Variants in TMEM214 observed in about 807,000 individuals in gnomAD.
TMEM214 encodes transmembrane protein 214.
TMEM214 carries 71 observed loss-of-function variants against 89.8 expected under a neutral mutation model. The ratio of observed to expected loss-of-function variants is 0.79; its 90% CI spans 0.65 to 0.96. The LOEUF (loss-of-function observed/expected upper bound fraction) is 0.96, where lower values mean the gene tolerates loss of function less well. TMEM214 is among the 40% of genes least tolerant of loss of function. The pLI, the probability that TMEM214 is intolerant of heterozygous loss-of-function variation, is 0.00. For missense variants in TMEM214, 754 were observed against 843.4 expected (o/e 0.89, Z 1.31); for synonymous variants, 332 against 349.5 (o/e 0.95, Z 0.56).
rs945396615 is a variant in TMEM214 at position 27,033,063 on chromosome 2, G to T, written c.48G>T (p.Lys16Asn). 8.0e-7 allele frequency: 1 copy of T among 1,247,828 alleles called. No individual in the cohort carries two copies. The highest frequency in any genetic ancestry group is 1.5e-5 in the African/African-American group (1 of 64,572). 77.3% of individuals were successfully genotyped at this position (1,247,828 alleles called of 1,614,324 possible). ...TGGGGCGGTGGGAGGTAGTGAAGAA[G>T]GGTCGGCGGCCTGGGGTCGGCGCCG... Reference protein sequence around the residue: ...AGVGRWEVVKKGRRPGVGAGA... With the variant: ...AGVGRWEVVKNGRRPGVGAGA... The change falls in exon 1 of 17, where the codon AAG becomes AAT. Residue 16 changes from lysine to asparagine, a missense_variant. Physicochemically the swap from Lys to Asn is moderately conservative, Grantham distance 94 (BLOSUM62 0). Transcript: ENST00000238788.
Position 27,036,761 on chromosome 2 carries a change from A to T in TMEM214, c.883A>T (p.Ile295Phe), listed in dbSNP as rs772444168. 2 of 1,614,098 alleles carry T rather than the reference A, an allele frequency of 1.2e-6. No homozygotes were observed. Among genetic ancestry groups the T allele is most frequent in the Non-Finnish European group, 1.7e-6 (2 of 1,180,018 alleles). ...LGIKSLSPFA[I>F]TYLDRLLLMH... ...CATCAAGTCTCTGTCTCCCTTTGCC[A>T]TCACATACCTGGATCGGCTGCTCCT... Residue 295 changes from isoleucine to phenylalanine, a missense_variant, in exon 7 of 17, where the codon ATC becomes TTC. Transcript: ENST00000238788.
rs201998930 is a variant in TMEM214 at position 27,038,827 on chromosome 2, C to T, written c.1407+12C>T. The T allele has an allele frequency of 2.1e-5, 33 of 1,605,294 alleles. No homozygotes were observed. The highest frequency in any genetic ancestry group is 8.4e-5 in the Admixed American group (5 of 59,834). Reference sequence around the variant, plus strand: ...ACATGGCCTGCAAGGTGCTGGCACCCGGTCCTCTCCAGCCCACACGCTATC... The same window carrying T: ...ACATGGCCTGCAAGGTGCTGGCACCTGGTCCTCTCCAGCCCACACGCTATC... On this transcript the variant is annotated intron_variant, in intron 12 of 16. Coordinates refer to ENST00000238788, the MANE Select transcript of TMEM214 (RefSeq NM_017727.5). The surrounding 1 kb of genome is among the most constrained non-coding windows in gnomAD (Gnocchi z 4.4).
chr2:27,039,128 C>G lies in TMEM214; in HGVS notation c.1489C>G (p.Leu497Val), dbSNP rs1344821087. 2 of 1,613,906 alleles carry G rather than the reference C, an allele frequency of 1.2e-6. No individual in the cohort carries two copies. The highest frequency in any genetic ancestry group is 3.3e-5 in the Admixed American group (2 of 60,024). Residue 497 changes from leucine to valine, a missense_variant, in exon 13 of 17, where the codon CTG becomes GTG. Physicochemically the swap from Leu to Val is conservative, Grantham distance 32 (BLOSUM62 1). Coordinates refer to ENST00000238788, the MANE Select transcript of TMEM214 (RefSeq NM_017727.5). ...GCTGCTGGTCTTCGCTGTAGGCTTC[C>G]TGTGCCATGACCTCCGGTCACACAG... is the stretch of plus-strand genomic sequence containing the variant. ...LLLLVFAVGF[L>V]CHDLRSHSSF...
rs1281082956 is a variant in TMEM214 at position 27,039,135 on chromosome 2, A to G, written c.1496A>G (p.His499Arg). Reference sequence around the variant, plus strand: ...GTCTTCGCTGTAGGCTTCCTGTGCCATGACCTCCGGTCACACAGCTCCTTC... The same window carrying G: ...GTCTTCGCTGTAGGCTTCCTGTGCCGTGACCTCCGGTCACACAGCTCCTTC... ...LLVFAVGFLCHDLRSHSSFQA... is the reference protein window; with the variant it reads ...LLVFAVGFLCRDLRSHSSFQA... Residue 499 changes from histidine (H) to arginine (R), a missense_variant, in exon 13 of 17, where the codon CAT (histidine) becomes CGT (arginine). Transcript: ENST00000238788. 28 of 1,613,850 alleles carry G rather than the reference A, an allele frequency of 1.7e-5. No individual in the cohort carries two copies. Among genetic ancestry groups the G allele is most frequent in the Non-Finnish European group, 2.4e-5 (28 of 1,180,024 alleles).
chr2:27,040,610 C>T, intron 16 of TMEM214, 101 bp from the exon 17 acceptor site: 2 of 1,585,380 alleles, frequency 1.3e-6, no homozygotes, highest in Non-Finnish European at 8.6e-7. Flanking sequence ...GCTCCCATTC[C>T]TGGCCACCCT....
At position 27,035,249 on chromosome 2, in the gene TMEM214, C is replaced by G; in HGVS notation, c.466C>G (p.Pro156Ala). Reference protein sequence around the residue: ...ASYLNYKLQAPLSEPTLSQHT... With the variant: ...ASYLNYKLQAALSEPTLSQHT... ...CTATCTCAACTACAAGCTACAAGCT[C>G]CTCTAAGTGAACCCACGCTGAGCCA... Residue 156 changes from proline to alanine, a missense_variant, in exon 3 of 17, where the codon CCT (proline) becomes GCT (alanine). Transcript: ENST00000238788. The G allele has an allele frequency of 6.2e-7, 1 of 1,614,200 alleles. No individual in the cohort carries two copies. Among genetic ancestry groups the G allele is most frequent in the East Asian group, 2.2e-5 (1 of 44,888 alleles).
At chr2:27,033,296 GC>G in intron 1 of TMEM214, 130 bp downstream of exon 1, 1 of 953,460 alleles carries the variant, frequency 1.0e-6, no homozygotes, top group Non-Finnish European at 1.4e-6. Context: ...TCTCTTTGGA[GC>G]CTCACGGGAG....
chr2:27,035,556 C>G, intron 3 of TMEM214, 38 bp from the exon 4 acceptor site: 5 of 1,611,492 alleles, frequency 3.1e-6, no homozygotes, highest in Non-Finnish European at 3.4e-6. Context: ...TGATGGGTGT[C>G]TGGTCCTAGC....
rs1381000052 is a variant in TMEM214 at position 27,036,744 on chromosome 2, C to G, written c.866C>G (p.Ser289Cys). The G allele has an allele frequency of 3.7e-6, 6 of 1,614,042 alleles. No homozygotes were observed. Among genetic ancestry groups the G allele is most frequent in the African/African-American group, 2.7e-5 (2 of 74,914 alleles). Residue 289 changes from serine to cysteine, a missense_variant, in exon 7 of 17, where the codon TCT becomes TGT. Physicochemically the swap from Ser to Cys is moderately radical, Grantham distance 112. Coordinates refer to ENST00000238788, the MANE Select transcript of TMEM214 (RefSeq NM_017727.5). ...ATGCTGCCTGTGCTGGGCATCAAGT[C>G]TCTGTCTCCCTTTGCCATCACATAC... ...GIMLPVLGIKSLSPFAITYLD... is the reference protein window; with the variant it reads ...GIMLPVLGIKCLSPFAITYLD...
chr2:27,035,856 G>A lies in TMEM214; in HGVS notation c.638-114G>A, dbSNP rs1572787624. 2.5e-6 allele frequency: 4 copies of A among 1,575,798 alleles called. No individual in the cohort carries two copies. In the South Asian group the frequency reaches 3.4e-5, roughly 13 times the overall value. On this transcript the variant is annotated intron_variant, in intron 4 of 16. Transcript: ENST00000238788. Reference sequence around the variant, plus strand: ...ACCTTAACACTTTTTGGAAAGTGTGGAGGAAGTTAGGAGTCAGTGGACCTG... The same window carrying A: ...ACCTTAACACTTTTTGGAAAGTGTGAAGGAAGTTAGGAGTCAGTGGACCTG...
Position 27,038,025 on chromosome 2 carries a change from C to T in TMEM214, c.1153-121C>T. 6.2e-7 allele frequency: 1 copy of T among 1,605,774 alleles called. No homozygotes were observed. ...TGGAGTCTTGACACTGTTTCTCCAC[C>T]CCTTAGGGTGGATGTGCGGCCTGGA... is the stretch of plus-strand genomic sequence containing the variant. On this transcript the variant is annotated intron_variant, in intron 9 of 16. Coordinates refer to ENST00000238788, the MANE Select transcript of TMEM214 (RefSeq NM_017727.5). This position sits in a 1 kb window ranked among gnomAD's most constrained non-coding sequence, Gnocchi z 4.4.
intron 9 of TMEM214, 28 bp downstream of exon 9, chr2:27,037,730 C>G (rs202210946): frequency 6.2e-7 from 1 of 1,614,018 alleles, no homozygotes; most frequent in Admixed American, 1.7e-5. Flanking sequence ...GGCTTTTTCT[C>G]CTTCCCCAGG....
At position 27,036,057 on chromosome 2, in the gene TMEM214, G is replaced by A. The variant is rs762358038; in HGVS notation, c.720+5G>A. The A allele has an allele frequency of 2.5e-5, 41 of 1,613,902 alleles. No homozygotes were observed. Among genetic ancestry groups the A allele is most frequent in the Non-Finnish European group, 3.4e-5 (40 of 1,179,920 alleles). On this transcript the variant is annotated splice_donor_5th_base_variant and intron_variant, in intron 5 of 16. Coordinates refer to ENST00000238788, the MANE Select transcript of TMEM214 (RefSeq NM_017727.5). ...GCCACGGCAAACCTAGGCAAGGTGA[G>A]CTCTCAGTGATGGTGGGGATGCTAG...
rs912736225 is a variant in TMEM214 at position 27,035,471 on chromosome 2, A to G, written c.503-123A>G. ...TCCTCCCTCTGGGCCTCCTCAGAGGAAGGATCCCAGCCTCAGTGCAGGGGC... is the reference window on the plus strand; with the variant it reads ...TCCTCCCTCTGGGCCTCCTCAGAGGGAGGATCCCAGCCTCAGTGCAGGGGC... On this transcript the variant is annotated intron_variant, in intron 3 of 16. Transcript: ENST00000238788. The G allele has an allele frequency of 4.8e-6, 7 of 1,454,168 alleles. No homozygotes were observed. In the Admixed American group the frequency reaches 1.2e-4, roughly 26 times the overall value. The allele number at this position is 1,454,168 out of a possible 1,614,324, so 90.1% of individuals were successfully genotyped here.
intron 1 of TMEM214, among the ~76,000 whole-genome samples, chr2:27,033,418 G>T (rs1409853156): frequency 6.6e-6 from 1 of 152,188 alleles, no homozygotes; most frequent in Non-Finnish European, 1.5e-5. Context: ...CTAGGATTCC[G>T]GTCCTCAGAC....
In TMEM214 at chr2:27,037,088, A is replaced by C; in HGVS notation, c.920A>C (p.Asn307Thr). The change falls in exon 8 of 17, where the codon AAC becomes ACC. Residue 307 changes from asparagine to threonine, a missense_variant. Asn to Thr is a moderately conservative substitution (Grantham distance 65). Coordinates refer to ENST00000238788, the MANE Select transcript of TMEM214 (RefSeq NM_017727.5). ...CTTCATCCCCACAGGATGCATCCCA[A>C]CCTTACCAAGGGCTTCGGCATGATT... ...YLDRLLLMHP[N>T]LTKGFGMIGP... The C allele has an allele frequency of 6.2e-7, 1 of 1,613,864 alleles. No individual in the cohort carries two copies. Among genetic ancestry groups the C allele is most frequent in the Non-Finnish European group, 8.5e-7 (1 of 1,179,952 alleles).
In TMEM214 at chr2:27,040,053, T is replaced by C. The variant is rs755044601; in HGVS notation, c.1646T>C (p.Leu549Pro). The C allele has an allele frequency of 1.9e-6, 3 of 1,606,924 alleles. No individual in the cohort carries two copies. The highest frequency in any genetic ancestry group is 1.1e-5 in the South Asian group (1 of 91,076). Residue 549 changes from leucine (L) to proline (P), a missense_variant, in exon 15 of 17, where the codon CTC becomes CCC. Leu to Pro is a moderately conservative substitution (Grantham distance 98, BLOSUM62 -3). Transcript: ENST00000238788. Reference sequence around the variant, plus strand: ...AGCTGGCTGGGGGAGACACTGCCGCTCTGGGGCTCCCACCTGCTCACCGTG... The same window carrying C: ...AGCTGGCTGGGGGAGACACTGCCGCCCTGGGGCTCCCACCTGCTCACCGTG... ...GYSWLGETLP[L>P]WGSHLLTVVR...
Position 27,035,208 on chromosome 2 carries a change from T to G in TMEM214, c.425T>G (p.Leu142Trp). The part of the protein sequence containing the change: ...SVFSGNPSIW[L>W]KDLASYLNYK... ...TTCTCTGGAAACCCATCCATATGGTTGAAGGACCTGGCCAGCTATCTCAAC... is the reference window on the plus strand; with the variant it reads ...TTCTCTGGAAACCCATCCATATGGTGGAAGGACCTGGCCAGCTATCTCAAC... Residue 142 changes from leucine (L) to tryptophan (W), a missense_variant, in exon 3 of 17, where the codon TTG (leucine) becomes TGG (tryptophan). Leu to Trp is a moderately conservative substitution (Grantham distance 61). Transcript: ENST00000238788. 1.9e-6 allele frequency: 3 copies of G among 1,614,180 alleles called. No homozygotes were observed. The highest frequency in any genetic ancestry group is 2.5e-6 in the Non-Finnish European group (3 of 1,180,036).
chr2:27,038,936 A>G lies in TMEM214; in HGVS notation c.1408-111A>G. On this transcript the variant is annotated intron_variant, in intron 12 of 16. Transcript: ENST00000238788. The surrounding 1 kb of genome is among the most constrained non-coding windows in gnomAD (Gnocchi z 4.4). ...TCTGGAGCCCCCCGCTGCCTCCAGG[A>G]TAATGTGAAGGCTTGACGCTCTTTC... 1 of 1,445,344 alleles carries G rather than the reference A, an allele frequency of 6.9e-7. No homozygotes were observed. The highest frequency in any genetic ancestry group is 1.2e-5 in the South Asian group (1 of 86,098). The allele number at this position is 1,445,344 out of a possible 1,614,324, so 89.5% of individuals were successfully genotyped here.
Sources: allele counts gnomAD v4.1 joint callset (sites outside exome capture counted in the v4.1 genomes callset), GRCh38; gene constraint gnomAD v4.1.1; non-coding constraint Gnocchi (gnomAD v3.1); transcripts MANE v1.5; gene names NCBI Gene and HGNC (gene_info 2026-07-23, HGNC 2026-07-21).